The following AEBP2 variants were observed in gnomAD, a reference collection of about 807,000 sequenced individuals.
AEBP2 encodes zinc finger protein AEBP2.
Under a neutral mutation model 50.8 loss-of-function variants are expected in AEBP2, and 10 were observed. The ratio of observed to expected loss-of-function variants is 0.20; its 90% CI spans 0.12 to 0.33. The LOEUF is 0.33. Ranked by LOEUF, AEBP2 falls within the 10% of genes least tolerant of loss-of-function variation. AEBP2 has a pLI of 1.00. For synonymous variants in AEBP2, 296 were observed against 261.3 expected (o/e 1.13, Z -1.28); for missense variants, 570 against 688.0 (o/e 0.83, Z 1.92).
upstream of AEBP2, among the ~76,000 whole-genome samples, chr12:19,437,870 C>T (rs1395028763): frequency 7.9e-5 from 12 of 152,166 alleles, no homozygotes; most frequent in Admixed American, 6.6e-4. Context: ...ATACTGGGTA[C>T]TCACGGTATA....
intron 1 of AEBP2, among the ~76,000 whole-genome samples, chr12:19,415,396 A>G (rs924835181): frequency 1.5e-5 from 2 of 137,782 alleles, no homozygotes; most frequent in Non-Finnish European, 1.5e-5. Flanking sequence ...TAAAAAGTGC[A>G]CAGTCTAGGG....
In AEBP2 at chr12:19,520,360, C is replaced by T. The variant is rs948738064; in HGVS notation, c.*2243C>T. On this transcript the variant is annotated 3_prime_UTR_variant, in exon 8 of 8. Coordinates refer to ENST00000266508, the MANE Select transcript of AEBP2 (RefSeq NM_153207.5). Reference sequence around the variant, plus strand: ...ATACTTAGATGTCAAAACCAGATTTCGTGATCCTTGATTAACTTCTGAGTA... The same window carrying T: ...ATACTTAGATGTCAAAACCAGATTTTGTGATCCTTGATTAACTTCTGAGTA... 1 of 152,144 alleles carries T rather than the reference C, an allele frequency of 6.6e-6. No individual in the cohort carries two copies. Among genetic ancestry groups the T allele is most frequent in the South Asian group, 2.1e-4 (1 of 4,836 alleles). The allele number at this position is 152,144 out of a possible 1,614,324, so 9.4% of individuals were successfully genotyped here. A position where few individuals can be genotyped will look rare whatever the true frequency, so the allele number is the denominator to read the frequency against.
At chr12:19,463,230 T>C (rs1948409533) in intron 2 of AEBP2, among the ~76,000 whole-genome samples, 1 of 152,222 alleles carries the variant, frequency 6.6e-6, no homozygotes, top group African/African-American at 2.4e-5. Flanking sequence ...AAAGTTCTGA[T>C]TAGTTAGTAT....
At position 19,466,747 on chromosome 12, in the gene AEBP2, G is replaced by A. The variant is rs375313849; in HGVS notation, c.879+4030G>A. ...TTCTTATTTCTTCTTTCTCTCTTAAGTGTTAAAGTGTCATCATGGAACAGA... is the reference window on the plus strand; with the variant it reads ...TTCTTATTTCTTCTTTCTCTCTTAAATGTTAAAGTGTCATCATGGAACAGA... On this transcript the variant is annotated intron_variant, in intron 2 of 7. Transcript: ENST00000266508. 3 of 959,838 alleles carry A rather than the reference G, an allele frequency of 3.1e-6. No individual in the cohort carries two copies. The African/African-American group carries it at 5.3e-5, about 17-fold the overall frequency. The allele number at this position is 959,838 out of a possible 1,614,324, so 59.5% of individuals were successfully genotyped here.
chr12:19,431,024 A>AT (rs1412361306), intron 1 of AEBP2, among the ~76,000 whole-genome samples: 1 of 151,428 alleles, frequency 6.6e-6, no homozygotes, highest in African/African-American at 2.4e-5. Context: ...AAAAAAAAAA[A>AT]GAAAAAAATT....
At chr12:19,424,886 G>T (rs376606207) in intron 1 of AEBP2, among the ~76,000 whole-genome samples, 62 of 152,106 alleles carry the variant, frequency 4.1e-4, no homozygotes, top group African/African-American at 1.4e-3. Flanking sequence ...GTGTGCACCT[G>T]TAGGCCCAGC....
At chr12:19,446,090 GT>G (rs1285768554) in intron 1 of AEBP2, 1 of 114,720 alleles carries the variant, frequency 8.7e-6, no homozygotes, top group Non-Finnish European at 2.1e-5. Context: ...TTTGGAATAA[GT>G]TTTCTAGTAA....
At position 19,493,788 on chromosome 12, in the gene AEBP2, A is replaced by C; in HGVS notation, c.988-12A>C. The C allele has an allele frequency of 3.7e-6, 6 of 1,610,534 alleles. No individual in the cohort carries two copies. Among genetic ancestry groups the C allele is most frequent in the Non-Finnish European group, 5.1e-6 (6 of 1,178,366 alleles). On this transcript the variant is annotated splice_polypyrimidine_tract_variant and intron_variant, in intron 3 of 7. Coordinates refer to ENST00000266508, the MANE Select transcript of AEBP2 (RefSeq NM_153207.5). ...GCATGCCTGACGTTATTTCTGTTTT[A>C]TTTTCTTTTAGTGTGTTGTTGGTGG... is the stretch of plus-strand genomic sequence containing the variant.
chr12:19,413,031 G>A (rs1001441225), intron 1 of AEBP2: 3 of 444,042 alleles, frequency 6.8e-6, no homozygotes, highest in Admixed American at 3.5e-5. Context: ...CCCCTGGCCT[G>A]GAGCGGGCTC....
At chr12:19,485,025 G>A (rs1323367839) in intron 3 of AEBP2, among the ~76,000 whole-genome samples, 1 of 152,086 alleles carries the variant, frequency 6.6e-6, no homozygotes, top group African/African-American at 2.4e-5. Context: ...TGTTCAGTGT[G>A]TGCACACTAA....
intron 1 of AEBP2, among the ~76,000 whole-genome samples, chr12:19,451,431 T>G (rs1209887171): frequency 6.6e-6 from 1 of 152,140 alleles, no homozygotes; most frequent in Non-Finnish European, 1.5e-5. Context: ...TCACGGGATC[T>G]GTTCCACTTT....
chr12:19,456,815 T>G, intron 1 of AEBP2: 1 of 1,556,946 alleles, frequency 6.4e-7, no homozygotes, highest in Non-Finnish European at 8.9e-7. Flanking sequence ...CCATACCAGG[T>G]TTGAGAACAC....
chr12:19,498,468 A>G (rs992466064), intron 4 of AEBP2, among the ~76,000 whole-genome samples: 19 of 152,170 alleles, frequency 1.2e-4, no homozygotes, highest in Non-Finnish European at 7.3e-5. Flanking sequence ...TGATGTGCCA[A>G]CTGGTGAAAA....
intron 1 of AEBP2, 89 bp from the exon 2 acceptor site, chr12:19,462,421 C>T: frequency 1.8e-6 from 2 of 1,091,118 alleles, no homozygotes; most frequent in Admixed American, 4.5e-5. Context: ...AGCAGAATGT[C>T]AAGTGGTAAT....
chr12:19,467,287 T>C (rs562483906), intron 2 of AEBP2, among the ~76,000 whole-genome samples: 6 of 151,892 alleles, frequency 4.0e-5, no homozygotes, highest in Admixed American at 6.6e-5. Context: ...AAAGAGAGAA[T>C]CAAACCTATC....
At chr12:19,501,825 C>CAT (rs1949086555) in intron 5 of AEBP2, among the ~76,000 whole-genome samples, 1 of 15,758 alleles carries the variant, frequency 6.3e-5, no homozygotes, top group Admixed American at 5.6e-4. Flanking sequence ...TTTGCATTTT[C>CAT]ATGTTTTCTT....
chr12:19,467,672 G>A (rs544381899), intron 2 of AEBP2, among the ~76,000 whole-genome samples: 2 of 152,174 alleles, frequency 1.3e-5, no homozygotes, highest in African/African-American at 2.4e-5. Flanking sequence ...TCAAATCCCA[G>A]TGTCCTCTTA....
intron 1 of AEBP2, 88 bp downstream of exon 1, chr12:19,440,458 A>G: frequency 7.1e-7 from 1 of 1,414,092 alleles, no homozygotes; most frequent in East Asian, 2.5e-5. Context: ...TTTTGCCGCG[A>G]TCCCCCTGCT....
chr12:19,440,207 G>T lies in AEBP2; in HGVS notation c.508G>T (p.Gly170Cys). ...EPKGPRGSQG[G>C]GGGGSSSSSV... ...CAAGGGACCGCGGGGCAGCCAGGGC[G>T]GCGGCGGGGGCGGCAGCAGTAGCAG... is the stretch of plus-strand genomic sequence containing the variant. The change falls in exon 1 of 8, where the codon GGC (glycine) becomes TGC (cysteine). Residue 170 changes from glycine (G) to cysteine (C), a missense_variant. Gly to Cys is a radical substitution (Grantham distance 159). Coordinates refer to ENST00000266508, the MANE Select transcript of AEBP2 (RefSeq NM_153207.5). 1 of 1,455,442 alleles carries T rather than the reference G, an allele frequency of 6.9e-7. No individual in the cohort carries two copies. Among genetic ancestry groups the T allele is most frequent in the Admixed American group, 2.7e-5 (1 of 36,440 alleles). 90.2% of individuals were successfully genotyped at this position (1,455,442 alleles called of 1,614,324 possible).
Sources: gnomAD v4.1 joint callset for allele counts (sites outside exome capture counted in the v4.1 genomes callset) on GRCh38, gnomAD v4.1.1 for gene constraint, MANE v1.5 for transcripts, NCBI Gene and HGNC (gene_info 2026-07-23, HGNC 2026-07-21) for gene names.